The following ADGRV1 variants were observed in gnomAD, a reference collection of about 807,000 sequenced individuals.
The protein encoded by ADGRV1 is adhesion G protein-coupled receptor V1.
In ADGRV1, 359 loss-of-function variants were observed where a neutral mutation model predicts 596.2. The observed-to-expected ratio is 0.60, with a 90% CI of 0.55 to 0.66. The LOEUF is 0.66. Among genes scored for constraint, ADGRV1 ranks in the 30% least tolerant of loss-of-function variants. The pLI, the probability that ADGRV1 is intolerant of heterozygous loss-of-function variation, is 0.00. For synonymous variants in ADGRV1, 2,681 were observed against 2,679.2 expected (o/e 1.00, Z -0.02); for missense variants, 7,274 against 7,575.6 (o/e 0.96, Z 1.48).
At chr5:90,965,940 A>G (rs982182801) in intron 84 of ADGRV1, among the ~76,000 whole-genome samples, 1 of 152,186 alleles carries the variant, frequency 6.6e-6, no homozygotes, top group African/African-American at 2.4e-5. Context: ...AGGCAAGCCA[A>G]TTAAGTAGAT....
In ADGRV1 at chr5:90,579,629, G is replaced by C. The variant is rs571235634; in HGVS notation, c.22+20712G>C. Among the ~76,000 whole-genome samples the C allele has an allele frequency of 3.9e-5, 6 of 152,244 alleles. No individual in the cohort carries two copies. In the South Asian group the frequency reaches 1.2e-3, roughly 32 times the overall value. ...TGTAGATGTCTATTAGGTCCACTTG[G>C]TGCAGAGCTGAGTTCATGTCCTGGA... On this transcript the variant is annotated intron_variant, in intron 1 of 89. Transcript: ENST00000405460.
chr5:90,731,927 T>C (rs1483915408), intron 50 of ADGRV1, among the ~76,000 whole-genome samples: 1 of 152,198 alleles, frequency 6.6e-6, no homozygotes, highest in Middle Eastern at 3.2e-3. Flanking sequence ...AAGAGTGGCA[T>C]TGGTTTTATT....
chr5:90,835,298 A>G (rs1310437789), intron 77 of ADGRV1, among the ~76,000 whole-genome samples: 2 of 152,244 alleles, frequency 1.3e-5, no homozygotes, highest in Non-Finnish European at 2.9e-5. Flanking sequence ...GCAGACTCCT[A>G]GAAGTACTGC....
chr5:90,596,123 G>A (rs1200574471), intron 1 of ADGRV1, among the ~76,000 whole-genome samples: 3 of 149,680 alleles, frequency 2.0e-5, no homozygotes, highest in Non-Finnish European at 4.5e-5. Flanking sequence ...GGTGGCGGCC[G>A]GGCAGAGGCG....
intron 87 of ADGRV1, among the ~76,000 whole-genome samples, chr5:91,106,384 G>A (rs1329085683): frequency 6.6e-6 from 1 of 152,082 alleles, no homozygotes; most frequent in Non-Finnish European, 1.5e-5. Context: ...AGTATATTTT[G>A]AATTCTGATA....
At position 90,755,135 on chromosome 5, in the gene ADGRV1, A is replaced by G. The variant is rs967694960; in HGVS notation, c.11530A>G (p.Ile3844Val). 1.2e-6 allele frequency: 2 copies of G among 1,610,728 alleles called. No homozygotes were observed. The highest frequency in any genetic ancestry group is 2.7e-5 in the African/African-American group (2 of 74,854). The change falls in exon 55 of 90, where the codon ATA becomes GTA. Residue 3844 changes from isoleucine to valine, a missense_variant. Ile to Val is a conservative substitution (Grantham distance 29). Transcript: ENST00000405460. ...EDYVLQETII[I>V]MKENIKEAHA... The stretch of plus-strand genomic sequence containing the variant: ...TTATGTATTGCAAGAAACAATAATA[A>G]TAATGAAAGAAAACATAAAAGAAGC...
intron 87 of ADGRV1, among the ~76,000 whole-genome samples, chr5:91,112,592 C>A (rs1054637276): frequency 2.6e-5 from 4 of 152,124 alleles, no homozygotes; most frequent in Admixed American, 6.6e-5. Flanking sequence ...CATTCAGATT[C>A]TTTGTCTTCA....
chr5:90,810,309 T>C lies in ADGRV1; in HGVS notation c.15049T>C (p.Ser5017Pro). 1 of 1,609,374 alleles carries C rather than the reference T, an allele frequency of 6.2e-7. No homozygotes were observed. The highest frequency in any genetic ancestry group is 8.5e-7 in the Non-Finnish European group (1 of 1,177,548). ...FSTSSRNIIVSEDTQMIRLHV... is the reference protein window; with the variant it reads ...FSTSSRNIIVPEDTQMIRLHV... ...CACTAGCTCAAGAAATATCATAGTG[T>C]CAGAAGATACACAGATGATCAGATT... is the stretch of plus-strand genomic sequence containing the variant. Residue 5017 changes from serine (S) to proline (P), a missense_variant, in exon 74 of 90, where the codon TCA becomes CCA. Physicochemically the swap from Ser to Pro is moderately conservative, Grantham distance 74. Around this residue, in one of 5 missense-constraint regions of ADGRV1, gnomAD observed 1,874 missense variants for 1,970.2 expected, o/e 0.95. Transcript: ENST00000405460.
At chr5:90,688,345 T>A (rs910430602) in intron 29 of ADGRV1, among the ~76,000 whole-genome samples, 1 of 152,098 alleles carries the variant, frequency 6.6e-6, no homozygotes, top group South Asian at 2.1e-4. Flanking sequence ...TAGCCATATG[T>A]TGATTTTACA....
chr5:91,064,564 T>C (rs776277642), intron 85 of ADGRV1, among the ~76,000 whole-genome samples: 16 of 152,196 alleles, frequency 1.1e-4, no homozygotes, highest in African/African-American at 4.8e-5. Context: ...CCTCTCCCTC[T>C]CTTTGCTTTC....
In ADGRV1 at chr5:90,693,876, A is replaced by C. The variant is rs761731363; in HGVS notation, c.7134-14A>C. 6.6e-7 allele frequency: 1 copy of C among 1,515,078 alleles called. No homozygotes were observed. Among genetic ancestry groups the C allele is most frequent in the Non-Finnish European group, 8.8e-7 (1 of 1,129,982 alleles). The allele number at this position is 1,515,078 out of a possible 1,614,324, so 93.9% of individuals were successfully genotyped here. On this transcript the variant is annotated splice_polypyrimidine_tract_variant and intron_variant, in intron 32 of 89. Coordinates refer to ENST00000405460, the MANE Select transcript of ADGRV1 (RefSeq NM_032119.4). Reference sequence around the variant, plus strand: ...GTGCTTAACCTGTCTTTTAATTGTCACTCCACATTTTAGCGGAGGGCACTT... The same window carrying C: ...GTGCTTAACCTGTCTTTTAATTGTCCCTCCACATTTTAGCGGAGGGCACTT...
intron 20 of ADGRV1, among the ~76,000 whole-genome samples, chr5:90,656,541 GA>G (rs1769430542): frequency 6.6e-6 from 1 of 152,164 alleles, no homozygotes; most frequent in Admixed American, 6.5e-5. Flanking sequence ...CAATAGGAGA[GA>G]CAACATAGGA....
Position 90,788,317 on chromosome 5 carries a change from A to T in ADGRV1, c.13893+7A>T. ...TAAAGATGTTACATTAACCGTATGT[A>T]TGGCTTTATTTTTCTCACAAAATGT... is the stretch of plus-strand genomic sequence containing the variant. On this transcript the variant is annotated splice_region_variant and intron_variant, in intron 68 of 89. Transcript: ENST00000405460. 6.3e-7 allele frequency: 1 copy of T among 1,590,118 alleles called. No individual in the cohort carries two copies. Among genetic ancestry groups the T allele is most frequent in the Non-Finnish European group, 8.6e-7 (1 of 1,166,498 alleles).
At chr5:90,592,392 A>T (rs1759624756) in intron 1 of ADGRV1, among the ~76,000 whole-genome samples, 1 of 152,238 alleles carries the variant, frequency 6.6e-6, no homozygotes, top group African/African-American at 2.4e-5. Context: ...GTTCTCATTC[A>T]TAAGTGGGAG....
intron 85 of ADGRV1, among the ~76,000 whole-genome samples, chr5:91,016,841 C>T (rs1174303903): frequency 6.6e-6 from 1 of 151,798 alleles, no homozygotes; most frequent in African/African-American, 2.4e-5. Context: ...AAAGTAGTCC[C>T]TGATATTAAT....
In ADGRV1 at chr5:90,812,571, A is replaced by G. The variant is rs535781567; in HGVS notation, c.16078+1233A>G. Among the ~76,000 whole-genome samples, 7 of 152,312 alleles carry G rather than the reference A, an allele frequency of 4.6e-5. No individual in the cohort carries two copies. The South Asian group carries it at 1.4e-3, about 32-fold the overall frequency. ...CATTCTGTGCAATAGACCTCAAAAC[A>G]TATTTTTGAGATTTGATGCTTCCTA... On this transcript the variant is annotated intron_variant, in intron 74 of 89. Coordinates refer to ENST00000405460, the MANE Select transcript of ADGRV1 (RefSeq NM_032119.4).
chr5:90,820,788 G>A lies in ADGRV1; in HGVS notation c.16197-2637G>A, dbSNP rs879315873. 2.4e-3 allele frequency among the ~76,000 whole-genome samples: 364 copies of A among 152,144 alleles called. 2 individuals are homozygous for A. The highest frequency in any genetic ancestry group is 3.7e-3 in the South Asian group (18 of 4,804). On this transcript the variant is annotated intron_variant, in intron 75 of 89. Transcript: ENST00000405460. ...TAGGGTTTCTGCCGAGAGATCCGCT[G>A]TTAGTCTGATGGGCTTCCCTATGAG... is the stretch of plus-strand genomic sequence containing the variant.
intron 83 of ADGRV1, among the ~76,000 whole-genome samples, chr5:90,957,541 T>C (rs1014125671): frequency 9.0e-4 from 129 of 143,206 alleles, no homozygotes; most frequent in Middle Eastern, 3.6e-3. Flanking sequence ...GCTTCCTTTT[T>C]CTAATTTCAA....
chr5:90,797,460 C>G (rs1277726173), intron 70 of ADGRV1, among the ~76,000 whole-genome samples: 2 of 152,006 alleles, frequency 1.3e-5, no homozygotes, highest in African/African-American at 2.4e-5. Flanking sequence ...AATACAGGAG[C>G]ACCCAGATTC....
Sources: allele counts gnomAD v4.1 joint callset (sites outside exome capture counted in the v4.1 genomes callset), GRCh38; gene constraint gnomAD v4.1.1; regional missense constraint gnomAD v4.1.1; transcripts MANE v1.5; gene names NCBI Gene and HGNC (gene_info 2026-07-23, HGNC 2026-07-21).